Variants in TAFA5 observed in about 807,000 individuals in gnomAD.
TAFA5 encodes TAFA chemokine like family member 5.
In TAFA5, 6 loss-of-function variants were observed where a neutral mutation model predicts 15.3. The ratio of observed to expected loss-of-function variants is 0.39; its 90% CI spans 0.21 to 0.77. The LOEUF (loss-of-function observed/expected upper bound fraction) is 0.77, where lower values mean the gene tolerates loss of function less well. TAFA5 is among the 30% of genes least tolerant of loss of function. TAFA5 has a pLI of 0.41. For missense variants in TAFA5, 161 were observed against 193.1 expected (o/e 0.83, Z 0.98); for synonymous variants, 103 against 80.7 (o/e 1.28, Z -1.48).
At chr22:48,511,918 G>A (rs1921228266) in intron 1 of TAFA5, among the ~76,000 whole-genome samples, 1 of 152,252 alleles carries the variant, frequency 6.6e-6, no homozygotes, top group Non-Finnish European at 1.5e-5. Flanking sequence ...GCGGAACGGG[G>A]CTTGCTGTGG....
rs547324285 is a variant in TAFA5, at chr22:48,628,311, G to T, written c.113-18286G>T. Among the ~76,000 whole-genome samples the T allele has an allele frequency of 5.9e-5, 9 of 152,328 alleles. No homozygotes were observed. The South Asian group carries it at 1.9e-3, about 32-fold the overall frequency. ...TTGTGGGGGTGTCAGAGGAGCCCCT[G>T]CCTTGGCACACCCTCCGTGCCAGTC... On this transcript the variant is annotated intron_variant, in intron 1 of 3. Coordinates refer to ENST00000402357, the MANE Select transcript of TAFA5 (RefSeq NM_001082967.3).
Position 48,552,840 on chromosome 22 carries a change from G to A in TAFA5, c.112+63136G>A, listed in dbSNP as rs1922903970. On this transcript the variant is annotated intron_variant, in intron 1 of 3. Coordinates refer to ENST00000402357, the MANE Select transcript of TAFA5 (RefSeq NM_001082967.3). The surrounding 1 kb of genome is among the most constrained non-coding windows in gnomAD (Gnocchi z 4.1). ...TGGGGCTTCCAGGGCTCACCCCGAG[G>A]GAGGAGGCCCAGAGCCAGCCCTGGG... Among the ~76,000 whole-genome samples, 2 of 152,116 alleles carry A rather than the reference G, an allele frequency of 1.3e-5. No individual in the cohort carries two copies. Among genetic ancestry groups the A allele is most frequent in the Admixed American group, 6.5e-5 (1 of 15,282 alleles).
intron 1 of TAFA5, among the ~76,000 whole-genome samples, chr22:48,599,053 C>A (rs1164159549): frequency 2.0e-5 from 3 of 152,194 alleles, no homozygotes; most frequent in African/African-American, 7.2e-5. Flanking sequence ...CCTCTCTGGG[C>A]AAGCCGTCCT....
intron 1 of TAFA5, among the ~76,000 whole-genome samples, chr22:48,639,646 G>C (rs1340276503): frequency 6.6e-6 from 1 of 152,168 alleles, no homozygotes; most frequent in African/African-American, 2.4e-5. Flanking sequence ...GCCACATGCA[G>C]GTGCCCCCAC....
At chr22:48,658,164 A>G (rs1927311494) in intron 2 of TAFA5, among the ~76,000 whole-genome samples, 1 of 146,270 alleles carries the variant, frequency 6.8e-6, no homozygotes, top group African/African-American at 2.5e-5. Flanking sequence ...GGTCTGCCTG[A>G]TGCCAGAGGA....
intron 1 of TAFA5, among the ~76,000 whole-genome samples, chr22:48,500,027 A>G: frequency 6.6e-6 from 1 of 151,982 alleles, no homozygotes; most frequent in East Asian, 1.9e-4. Context: ...GTTCCCTTCA[A>G]ATTCAGCAAT....
At chr22:48,510,993 T>A (rs1466966618) in intron 1 of TAFA5, among the ~76,000 whole-genome samples, 1 of 152,234 alleles carries the variant, frequency 6.6e-6, no homozygotes, top group Non-Finnish European at 1.5e-5. Flanking sequence ...GGGCACCCCA[T>A]GTGCCTGGCC....
intron 3 of TAFA5, among the ~76,000 whole-genome samples, chr22:48,715,163 C>A (rs1270036022): frequency 6.6e-6 from 1 of 152,232 alleles, no homozygotes; most frequent in Non-Finnish European, 1.5e-5. Context: ...ACTGAACTCA[C>A]CCGGCCCAGA....
At chr22:48,496,037 C>T (rs1046885490) in intron 1 of TAFA5, among the ~76,000 whole-genome samples, 7 of 152,334 alleles carry the variant, frequency 4.6e-5, no homozygotes, top group Middle Eastern at 6.8e-3. Flanking sequence ...CGTGAAGGCC[C>T]GGCTTACTCC....
chr22:48,689,102 G>C (rs1569080106), intron 2 of TAFA5, among the ~76,000 whole-genome samples: 1 of 151,958 alleles, frequency 6.6e-6, no homozygotes, highest in Non-Finnish European at 1.5e-5. Context: ...GGTCCCTCCA[G>C]CCTCTGCACC....
At chr22:48,563,810 G>A (rs563093455) in intron 1 of TAFA5, among the ~76,000 whole-genome samples, 14 of 152,310 alleles carry the variant, frequency 9.2e-5, no homozygotes, top group East Asian at 3.9e-4. Context: ...AGGTGGCAGC[G>A]TCGACTCCAC....
intron 1 of TAFA5, among the ~76,000 whole-genome samples, chr22:48,575,105 G>T (rs921861234): frequency 1.3e-5 from 2 of 152,168 alleles, no homozygotes; most frequent in African/African-American, 2.4e-5. Context: ...GGTCGGGCCC[G>T]GCTGGGGCGG....
chr22:48,517,844 G>T (rs1921467184), intron 1 of TAFA5, among the ~76,000 whole-genome samples: 1 of 152,230 alleles, frequency 6.6e-6, no homozygotes, highest in South Asian at 2.1e-4. Flanking sequence ...CCCTCTCTGG[G>T]CAGGCACGGC....
At chr22:48,512,027 G>A (rs1422398191) in intron 1 of TAFA5, among the ~76,000 whole-genome samples, 3 of 152,226 alleles carry the variant, frequency 2.0e-5, no homozygotes, top group African/African-American at 7.2e-5. Context: ...GCCACCAGAA[G>A]CTGATGGCCA....
intron 1 of TAFA5, among the ~76,000 whole-genome samples, chr22:48,608,133 C>CCTCCCACAGT (rs1925267311): frequency 6.6e-6 from 1 of 152,098 alleles, no homozygotes; most frequent in African/African-American, 2.4e-5. Flanking sequence ...GCTGCCAGAC[C>CCTCCCACAGT]CCTGCTTCTC....
chr22:48,537,427 G>A (rs1482072567), intron 1 of TAFA5, among the ~76,000 whole-genome samples: 1 of 152,244 alleles, frequency 6.6e-6, no homozygotes, highest in African/African-American at 2.4e-5. Context: ...CCCCAGGGCA[G>A]GCCATGTCTG....
chr22:48,604,149 G>T (rs1925073813), intron 1 of TAFA5, among the ~76,000 whole-genome samples: 1 of 152,204 alleles, frequency 6.6e-6, no homozygotes, highest in Admixed American at 6.5e-5. Context: ...TCAGAAAGGG[G>T]CATTGACGTG....
chr22:48,604,019 G>A (rs533741431), intron 1 of TAFA5, among the ~76,000 whole-genome samples: 1 of 152,290 alleles, frequency 6.6e-6, no homozygotes, highest in Admixed American at 6.5e-5. Flanking sequence ...GTTTAGTTTT[G>A]ATAATCCAGG....
chr22:48,681,728 TCAGA>T (rs1928197157), intron 2 of TAFA5, among the ~76,000 whole-genome samples: 2 of 152,022 alleles, frequency 1.3e-5, no homozygotes, highest in East Asian at 1.9e-4. Flanking sequence ...TCCCTGATTC[TCAGA>T]CAGAACACAC....
Sources: allele counts gnomAD v4.1 joint callset (sites outside exome capture counted in the v4.1 genomes callset), GRCh38; gene constraint gnomAD v4.1.1; non-coding constraint Gnocchi (gnomAD v3.1); transcripts MANE v1.5; gene names NCBI Gene and HGNC (gene_info 2026-07-23, HGNC 2026-07-21).